Variants in CAMKMT observed in about 807,000 individuals in gnomAD.
CAMKMT encodes calmodulin-lysine N-methyltransferase, also known as CaM KMT.
A neutral mutation model predicts 48.0 loss-of-function variants in CAMKMT; 53 were observed. The observed-to-expected ratio is 1.10, with a 90% confidence interval of 0.89 to 1.39. The LOEUF (loss-of-function observed/expected upper bound fraction) is 1.39. Ranked by LOEUF, CAMKMT falls within the 40% of genes most tolerant of loss-of-function variation. The pLI is 0.00. For synonymous variants in CAMKMT, 165 were observed against 152.3 expected (o/e 1.08, Z -0.61); for missense variants, 428 against 402.7 (o/e 1.06, Z -0.54).
chr2:44,409,854 A>C (rs1334209044), intron 3 of CAMKMT, among the ~76,000 whole-genome samples: 1 of 152,186 alleles, frequency 6.6e-6, no homozygotes, highest in Non-Finnish European at 1.5e-5. Context: ...TCAGTAATTC[A>C]GTTAACCAAT....
At position 44,653,932 on chromosome 2, in the gene CAMKMT, A is replaced by G. The variant is rs988331435; in HGVS notation, c.377-50351A>G. ...ACTAGGAGTATTTTTCAGTTCCAGT[A>G]TAATCAAACCCATTTATGAAAATTG... On this transcript the variant is annotated intron_variant, in intron 3 of 10. Transcript: ENST00000378494. This position sits in a 1 kb window ranked among gnomAD's most constrained non-coding sequence, Gnocchi z 5.2. 2.6e-5 allele frequency among the ~76,000 whole-genome samples: 4 copies of G among 152,250 alleles called. No individual in the cohort carries two copies. The highest frequency in any genetic ancestry group is 6.5e-5 in the Admixed American group (1 of 15,286).
chr2:44,551,460 C>T (rs547305924), intron 3 of CAMKMT, among the ~76,000 whole-genome samples: 1 of 152,162 alleles, frequency 6.6e-6, no homozygotes, highest in East Asian at 1.9e-4. Flanking sequence ...GAGTTTTATG[C>T]ATAAGAAAGA....
rs111887533 is a variant in CAMKMT, at chr2:44,747,878, CTG to C, written c.698+4197_698+4198del. Among the ~76,000 whole-genome samples the C allele has an allele frequency of 5.1e-3, 768 of 150,300 alleles. 9 individuals carry two copies. The highest frequency in any genetic ancestry group is 0.018 in the African/African-American group (729 of 41,214). On this transcript the variant is annotated intron_variant, in intron 8 of 10. Coordinates refer to ENST00000378494, the MANE Select transcript of CAMKMT (RefSeq NM_024766.5). ...GTGAATTATATAGAGGTCTGTGTGTCTGTGTGTGTGTGTGTGCATGGGTGCCC... is the reference window on the plus strand; with the variant it reads ...GTGAATTATATAGAGGTCTGTGTGTCTGTGTGTGTGTGTGCATGGGTGCCC...
intron 3 of CAMKMT, among the ~76,000 whole-genome samples, chr2:44,507,069 C>T (rs1670297939): frequency 1.0e-5 from 1 of 97,368 alleles, no homozygotes; most frequent in South Asian, 3.7e-4. Flanking sequence ...AAAATTTGTG[C>T]AATCTTTTTT....
intron 3 of CAMKMT, among the ~76,000 whole-genome samples, chr2:44,505,686 AAGG>A (rs1670222008): frequency 6.6e-6 from 1 of 152,064 alleles, no homozygotes; most frequent in South Asian, 2.1e-4. Flanking sequence ...GGAGGCGGAA[AAGG>A]AGGAGTTTGT....
At chr2:44,646,590 A>G (rs1673746676) in intron 3 of CAMKMT, among the ~76,000 whole-genome samples, 2 of 152,174 alleles carry the variant, frequency 1.3e-5, no homozygotes, top group South Asian at 2.1e-4. Flanking sequence ...TGCACTTTAT[A>G]CTAAGGTGAA....
chr2:44,519,595 C>CT (rs945381990), intron 3 of CAMKMT, among the ~76,000 whole-genome samples: 1 of 152,150 alleles, frequency 6.6e-6, no homozygotes, highest in African/African-American at 2.4e-5. Flanking sequence ...TGACTTCTTT[C>CT]TATCAGAAAG....
At chr2:44,404,671 C>T (rs996852932) in intron 3 of CAMKMT, among the ~76,000 whole-genome samples, 9 of 152,068 alleles carry the variant, frequency 5.9e-5, no homozygotes, top group Non-Finnish European at 1.2e-4. Flanking sequence ...CTTAATGTTT[C>T]TCTTTTCTTT....
At chr2:44,716,044 G>T (rs777205574) in intron 7 of CAMKMT, among the ~76,000 whole-genome samples, 1 of 152,110 alleles carries the variant, frequency 6.6e-6, no homozygotes, top group South Asian at 2.1e-4. Context: ...TGCCCTGTTG[G>T]TAATGGATCT....
intron 8 of CAMKMT, among the ~76,000 whole-genome samples, chr2:44,751,697 T>A (rs912793239): frequency 6.6e-6 from 1 of 152,206 alleles, no homozygotes; most frequent in African/African-American, 2.4e-5. Context: ...CTTCCTTATC[T>A]CTTTACTGCT....
At chr2:44,716,849 A>G (rs1255525028) in intron 7 of CAMKMT, among the ~76,000 whole-genome samples, 1 of 152,186 alleles carries the variant, frequency 6.6e-6, no homozygotes, top group African/African-American at 2.4e-5. Flanking sequence ...AGCATATGGA[A>G]TCAGGGAATA....
chr2:44,582,320 C>T (rs1238587884), intron 3 of CAMKMT, among the ~76,000 whole-genome samples: 4 of 152,180 alleles, frequency 2.6e-5, no homozygotes, highest in Non-Finnish European at 2.9e-5. Flanking sequence ...AAAGGATGTA[C>T]CTCACTAACA....
At chr2:44,378,923 A>G (rs548496574) in intron 2 of CAMKMT, among the ~76,000 whole-genome samples, 3 of 152,338 alleles carry the variant, frequency 2.0e-5, no homozygotes, top group East Asian at 1.9e-4. Flanking sequence ...TACAATTTAC[A>G]TAACAAAATT....
Position 44,532,012 on chromosome 2 carries a change from A to G in CAMKMT, c.376+141707A>G, listed in dbSNP as rs560004463. 2.2e-4 allele frequency among the ~76,000 whole-genome samples: 34 copies of G among 152,200 alleles called. No individual in the cohort carries two copies. The South Asian group carries it at 3.1e-3, about 14-fold the overall frequency. ...TATATCCTAGTAATTGAGGATTAGG[A>G]CTCTTGATTCCATTCCTTGTAGTGC... is the stretch of plus-strand genomic sequence containing the variant. On this transcript the variant is annotated intron_variant, in intron 3 of 10. Coordinates refer to ENST00000378494, the MANE Select transcript of CAMKMT (RefSeq NM_024766.5).
At chr2:44,699,038 C>A (rs1290398670) in intron 3 of CAMKMT, among the ~76,000 whole-genome samples, 2 of 152,190 alleles carry the variant, frequency 1.3e-5, no homozygotes, top group African/African-American at 4.8e-5. Flanking sequence ...AATTCAGTCA[C>A]GTCTTCAGGC....
chr2:44,732,720 G>A (rs1573191167), intron 7 of CAMKMT, among the ~76,000 whole-genome samples: 1 of 152,258 alleles, frequency 6.6e-6, no homozygotes, highest in Non-Finnish European at 1.5e-5. Flanking sequence ...ATCTTCTCTG[G>A]TGAAGTGTCT....
chr2:44,366,718 G>T (rs111939964), intron 1 of CAMKMT, among the ~76,000 whole-genome samples: 1 of 150,102 alleles, frequency 6.7e-6, no homozygotes, highest in Non-Finnish European at 1.5e-5. Context: ...AGCAGCTATT[G>T]TTATTATTAT....
chr2:44,608,279 A>T (rs967047419), intron 3 of CAMKMT, among the ~76,000 whole-genome samples: 1 of 151,926 alleles, frequency 6.6e-6, no homozygotes, highest in Non-Finnish European at 1.5e-5. Context: ...TCACCGTGTT[A>T]GCCAAGATGG....
At chr2:44,660,614 A>G (rs958703699) in intron 3 of CAMKMT, among the ~76,000 whole-genome samples, 5 of 152,056 alleles carry the variant, frequency 3.3e-5, no homozygotes, top group Non-Finnish European at 7.4e-5. Flanking sequence ...TGGCCAATAT[A>G]TTTTTTTGTT....
Sources: allele counts gnomAD v4.1 joint callset (sites outside exome capture counted in the v4.1 genomes callset), GRCh38; gene constraint gnomAD v4.1.1; non-coding constraint Gnocchi (gnomAD v3.1); transcripts MANE v1.5; gene names NCBI Gene and HGNC (gene_info 2026-07-23, HGNC 2026-07-21).